RTF1: variants seen among roughly 807,000 people sequenced by gnomAD.
The protein encoded by RTF1 is RNA polymerase-associated protein RTF1 homolog.
Under a neutral mutation model 95.7 loss-of-function variants are expected in RTF1, and 10 were observed. The ratio of observed to expected loss-of-function variants is 0.10; its 90% CI spans 0.06 to 0.18. The LOEUF is 0.18. Among genes scored for constraint, RTF1 ranks in the 10% least tolerant of loss-of-function variants. RTF1 has a pLI of 1.00. For synonymous variants in RTF1, 305 were observed against 311.8 expected (o/e 0.98, Z 0.23); for missense variants, 458 against 875.6 (o/e 0.52, Z 6.02).
chr15:41,480,543 T>C, intron 17 of RTF1, 38 bp from the exon 18 acceptor site: 1 of 1,478,598 alleles, frequency 6.8e-7, no homozygotes, highest in Non-Finnish European at 9.5e-7. Flanking sequence ...GAGGACTTTG[T>C]GGGACCTCAG....
chr15:41,459,289 T>C (rs372182943), intron 4 of RTF1, among the ~76,000 whole-genome samples: 1 of 151,820 alleles, frequency 6.6e-6, no homozygotes, highest in East Asian at 1.9e-4. Context: ...AGCAGGAGTA[T>C]CATTTGAGCC....
At chr15:41,426,109 A>T (rs772126444) in intron 1 of RTF1, among the ~76,000 whole-genome samples, 57 of 151,820 alleles carry the variant, frequency 3.8e-4, no homozygotes, top group Non-Finnish European at 7.5e-4. Context: ...ATGATGATGA[A>T]ACCTGATCTC....
chr15:41,458,443 T>G (rs2050829996), intron 4 of RTF1, among the ~76,000 whole-genome samples: 1 of 152,166 alleles, frequency 6.6e-6, no homozygotes, highest in South Asian at 2.1e-4. Context: ...ACATTTCCTG[T>G]CATTTTACCT....
chr15:41,417,611 G>C (rs576465202), intron 1 of RTF1, among the ~76,000 whole-genome samples: 65 of 152,304 alleles, frequency 4.3e-4, no homozygotes, highest in African/African-American at 1.5e-3. Context: ...TCCGGGGCCA[G>C]ATCGGGGCGG....
intron 4 of RTF1, among the ~76,000 whole-genome samples, chr15:41,462,170 G>A (rs1299686258): frequency 2.0e-5 from 3 of 152,184 alleles, no homozygotes; most frequent in East Asian, 1.9e-4. Context: ...TAGCTTCAGG[G>A]CAGTGCAATA....
In RTF1 at chr15:41,480,840, T is replaced by C. The variant is rs1355235173; in HGVS notation, c.*153T>C. 2 of 633,366 alleles carry C rather than the reference T, an allele frequency of 3.2e-6. No individual in the cohort carries two copies. Among genetic ancestry groups the C allele is most frequent in the Non-Finnish European group, 5.7e-6 (2 of 351,774 alleles). The allele number at this position is 633,366 out of a possible 1,614,324, so 39.2% of individuals were successfully genotyped here. ...GTCATCTGTAATATAAACCATTTGCTGTATAGACCTCCTTTGTCTGCACAC... is the reference window on the plus strand; with the variant it reads ...GTCATCTGTAATATAAACCATTTGCCGTATAGACCTCCTTTGTCTGCACAC... On this transcript the variant is annotated 3_prime_UTR_variant, in exon 18 of 18. Coordinates refer to ENST00000389629, the MANE Select transcript of RTF1 (RefSeq NM_015138.5).
intron 7 of RTF1, 123 bp downstream of exon 7, chr15:41,470,515 C>A: frequency 9.9e-7 from 1 of 1,006,548 alleles, no homozygotes; most frequent in Non-Finnish European, 1.5e-6. Flanking sequence ...CTTTGGTTTG[C>A]TGAACTGAGT....
At chr15:41,431,795 G>C (rs1241734622) in intron 1 of RTF1, among the ~76,000 whole-genome samples, 1 of 151,748 alleles carries the variant, frequency 6.6e-6, no homozygotes, top group African/African-American at 2.4e-5. Context: ...CAGTGTCCCT[G>C]GCTCATACTT....
chr15:41,459,730 G>C (rs1268859348), intron 4 of RTF1, among the ~76,000 whole-genome samples: 1 of 151,994 alleles, frequency 6.6e-6, no homozygotes, highest in Non-Finnish European at 1.5e-5. Flanking sequence ...CCTCTAGCAT[G>C]GTTTTTGTAT....
intron 6 of RTF1, among the ~76,000 whole-genome samples, chr15:41,468,184 A>ACTCCAGGTTGGACTGCAGTGGCGCG (rs1566847276): frequency 6.6e-6 from 1 of 151,912 alleles, no homozygotes; most frequent in African/African-American, 2.4e-5. Flanking sequence ...AAGAAAAAGA[A>ACTCCAGGTTGGACTGCAGTGGCGCG]ATAATAACGT....
chr15:41,474,745 A>G (rs2050934006), intron 9 of RTF1, 43 bp downstream of exon 9: 1 of 1,399,756 alleles, frequency 7.1e-7, no homozygotes, highest in Non-Finnish European at 1.0e-6. Flanking sequence ...CACTTCAAAC[A>G]GGCACTGGCT....
chr15:41,417,342 G>T (rs1338513236), intron 1 of RTF1, 29 bp downstream of exon 1: 1 of 1,245,588 alleles, frequency 8.0e-7, no homozygotes, highest in African/African-American at 1.6e-5. Flanking sequence ...GGCGCGGGCC[G>T]GCGGAGCCAG....
chr15:41,479,021 A>T, intron 15 of RTF1, 82 bp from the exon 16 acceptor site: 1 of 879,272 alleles, frequency 1.1e-6, no homozygotes. Context: ...TTGTGATGTT[A>T]GTTTGGTAGG....
At chr15:41,444,070 A>G (rs897296555) in intron 2 of RTF1, among the ~76,000 whole-genome samples, 10 of 150,954 alleles carry the variant, frequency 6.6e-5, no homozygotes, top group African/African-American at 2.4e-4. Context: ...TCCATCTCAA[A>G]AAAAAACAAA....
chr15:41,453,936 G>T (rs2050800263), intron 3 of RTF1, among the ~76,000 whole-genome samples: 1 of 152,070 alleles, frequency 6.6e-6, no homozygotes, highest in Non-Finnish European at 1.5e-5. Flanking sequence ...AGCTCAAATT[G>T]AGTCAAGGGC....
At chr15:41,435,492 C>T (rs575177925) in intron 1 of RTF1, among the ~76,000 whole-genome samples, 9 of 151,660 alleles carry the variant, frequency 5.9e-5, no homozygotes, top group African/African-American at 1.2e-4. Flanking sequence ...GGTTTTAAAA[C>T]GACTGTAAAC....
At chr15:41,478,140 C>A (rs1284097709) in intron 14 of RTF1, among the ~76,000 whole-genome samples, 1 of 151,942 alleles carries the variant, frequency 6.6e-6, no homozygotes, top group Non-Finnish European at 1.5e-5. Context: ...GTGGCTCACG[C>A]CTGTAATCCC....
intron 2 of RTF1, among the ~76,000 whole-genome samples, chr15:41,441,160 A>G (rs886692864): frequency 6.7e-6 from 1 of 148,986 alleles, no homozygotes. Flanking sequence ...TTTAGTAGAG[A>G]CGGGGTTTCA....
chr15:41,479,301 C>G lies in RTF1; in HGVS notation c.1914+103C>G, dbSNP rs553400060. 663 of 710,602 alleles carry G rather than the reference C, an allele frequency of 9.3e-4. 14 individuals carry two copies. In the South Asian group the frequency reaches 0.011, roughly 12 times the overall value. 44.0% of individuals were successfully genotyped at this position (710,602 alleles called of 1,614,324 possible). A position where few individuals can be genotyped will look rare whatever the true frequency, so the allele number is the denominator to read the frequency against. On this transcript the variant is annotated intron_variant, in intron 16 of 17. Coordinates refer to ENST00000389629, the MANE Select transcript of RTF1 (RefSeq NM_015138.5). ...GGCTTGATTTTTCCACCTTGAGGAACAGGGAGTCCCTCTTGGAGTCCCTTC... is the reference window on the plus strand; with the variant it reads ...GGCTTGATTTTTCCACCTTGAGGAAGAGGGAGTCCCTCTTGGAGTCCCTTC...
Sources: gnomAD v4.1 joint callset for allele counts (sites outside exome capture counted in the v4.1 genomes callset) on GRCh38, gnomAD v4.1.1 for gene constraint, MANE v1.5 for transcripts, NCBI Gene and HGNC (gene_info 2026-07-23, HGNC 2026-07-21) for gene names.